The following SLC39A10 variants were observed in gnomAD, a reference collection of about 807,000 sequenced individuals.
SLC39A10 encodes the protein solute carrier family 39 member 10.
SLC39A10 carries 13 observed loss-of-function variants against 65.1 expected under a neutral mutation model. The ratio of observed to expected loss-of-function variants is 0.20; its 90% CI spans 0.13 to 0.32. The LOEUF (loss-of-function observed/expected upper bound fraction) is 0.32. SLC39A10 is among the 10% of genes least tolerant of loss of function. SLC39A10 has a pLI of 1.00. For missense variants in SLC39A10, 831 were observed against 1,018.4 expected, an observed-to-expected ratio of 0.82 and a Z score of 2.50; for synonymous variants, 321 against 342.2, an observed-to-expected ratio of 0.94 and a Z score of 0.68.
At chr2:195,670,011 T>C (rs1689791258) in intron 1 of SLC39A10, among the ~76,000 whole-genome samples, 1 of 151,872 alleles carries the variant, frequency 6.6e-6, no homozygotes, top group Non-Finnish European at 1.5e-5. Flanking sequence ...ATGCAAAAAT[T>C]AGCTGGGTGT....
intron 1 of SLC39A10, among the ~76,000 whole-genome samples, chr2:195,673,401 G>T (rs191529853): frequency 6.6e-6 from 1 of 152,094 alleles, no homozygotes; most frequent in African/African-American, 2.4e-5. Context: ...CTCAAGATCC[G>T]CCAACCTCTG....
rs1692315683 is a variant in SLC39A10, at chr2:195,728,285, A to G, written c.2273A>G (p.Asn758Ser). The change falls in exon 9 of 10, where the codon AAC (asparagine) becomes AGC (serine). Residue 758 changes from asparagine (N) to serine (S), a missense_variant. Coordinates refer to ENST00000359634, the MANE Select transcript of SLC39A10 (RefSeq NM_020342.3). The surrounding 1 kb of genome is among the most constrained non-coding windows in gnomAD (Gnocchi z 4.4). ...ACAGCTGTTGGTCAGTATGCCAATA[A>G]CATCACACTTTGGATCTTTGCAGTC... ...IGTAVGQYAN[N>S]ITLWIFAVTA... is the part of the protein sequence containing the mutation. The G allele has an allele frequency of 6.2e-7, 1 of 1,613,958 alleles. No homozygotes were observed. The highest frequency in any genetic ancestry group is 8.5e-7 in the Non-Finnish European group (1 of 1,179,936).
At chr2:195,653,676 A>C (rs149087409), upstream of SLC39A10, among the ~76,000 whole-genome samples, 138 of 152,356 alleles carry the variant, frequency 9.1e-4, 4 homozygotes, top group East Asian at 0.02. Flanking sequence ...CTAGTGTTTC[A>C]GGTTAACTTT....
At chr2:195,694,497 C>T (rs1408620856) in intron 3 of SLC39A10, among the ~76,000 whole-genome samples, 1 of 152,134 alleles carries the variant, frequency 6.6e-6, no homozygotes, top group Admixed American at 6.5e-5. Context: ...GAGACCTGAG[C>T]TACAGGATTG....
chr2:195,662,474 C>G (rs1689445843), intron 1 of SLC39A10, among the ~76,000 whole-genome samples: 2 of 75,714 alleles, frequency 2.6e-5, no homozygotes, highest in South Asian at 1.1e-3. Flanking sequence ...AAGAGTTTCA[C>G]CATGTTGCCC....
In SLC39A10 at chr2:195,686,827, G is replaced by C. The variant is rs564680451; in HGVS notation, c.1216+2921G>C. 1.7e-3 allele frequency among the ~76,000 whole-genome samples: 265 copies of C among 152,250 alleles called. 2 individuals carry two copies. The highest frequency in any genetic ancestry group is 3.1e-3 in the Non-Finnish European group (210 of 68,024). On this transcript the variant is annotated intron_variant, in intron 3 of 9. Transcript: ENST00000359634. The stretch of plus-strand genomic sequence containing the variant: ...CTGTGCTGTAATTCTTATACTTCCT[G>C]TTCTACTGTTTCCTCCTGAAAAGGT...
At chr2:195,697,144 T>C (rs1690997430) in intron 3 of SLC39A10, among the ~76,000 whole-genome samples, 1 of 152,146 alleles carries the variant, frequency 6.6e-6, no homozygotes, top group African/African-American at 2.4e-5. Flanking sequence ...ATGTATTAAG[T>C]GGATCCTCGC....
chr2:195,674,407 A>T (rs904757763), intron 1 of SLC39A10: 2 of 160,340 alleles, frequency 1.2e-5, no homozygotes, highest in African/African-American at 4.8e-5. Context: ...CTTCCCGAGT[A>T]GCTGAGATTA....
At position 195,735,027 on chromosome 2, in the gene SLC39A10, G is replaced by A; in HGVS notation, c.2482G>A (p.Asp828Asn). The A allele has an allele frequency of 1.2e-6, 2 of 1,609,500 alleles. No homozygotes were observed. Among genetic ancestry groups the A allele is most frequent in the Non-Finnish European group, 8.5e-7 (1 of 1,178,684 alleles). Residue 828 changes from aspartate to asparagine, a missense_variant, in exon 10 of 10, where the codon GAC (aspartate) becomes AAC (asparagine). This residue lies in a region of SLC39A10 where 120 missense variants were observed against 203.9 expected (regional missense o/e 0.59). Transcript: ENST00000359634. Reference protein sequence around the residue: ...IALYEDKIVFDIQF With the variant: ...IALYEDKIVFNIQF ...CCTCTATGAAGATAAAATTGTGTTT[G>A]ACATCCAGTTTTGACCTTTCCCAGT...
intron 2 of SLC39A10, among the ~76,000 whole-genome samples, chr2:195,646,186 T>G (rs766589025): frequency 4.6e-5 from 7 of 152,212 alleles, no homozygotes; most frequent in Non-Finnish European, 8.8e-5. Flanking sequence ...CCTCAAGCGA[T>G]CCGCCCACCT....
At chr2:195,646,705 C>T (rs1398409158) in intron 2 of SLC39A10, among the ~76,000 whole-genome samples, 5 of 140,258 alleles carry the variant, frequency 3.6e-5, no homozygotes, top group Admixed American at 1.6e-4. Flanking sequence ...AGGAGGTGAG[C>T]GGAGGGTGAG....
At chr2:195,667,825 G>A (rs1689692229) in intron 1 of SLC39A10, among the ~76,000 whole-genome samples, 1 of 152,166 alleles carries the variant, frequency 6.6e-6, no homozygotes, top group South Asian at 2.1e-4. Flanking sequence ...TATACGAGAA[G>A]TAGGGACAGA....
At chr2:195,668,809 ACCCAGCACTTTGGGTCACAT>A (rs1689738712) in intron 1 of SLC39A10, among the ~76,000 whole-genome samples, 1 of 152,258 alleles carries the variant, frequency 6.6e-6, no homozygotes, top group Non-Finnish European at 1.5e-5. Flanking sequence ...TGTCGCTCGC[ACCCAGCACTTTGGGTCACAT>A]CCCAGCACTT....
intron 1 of SLC39A10, among the ~76,000 whole-genome samples, chr2:195,659,791 C>T (rs952211826): frequency 1.3e-5 from 2 of 152,090 alleles, no homozygotes; most frequent in East Asian, 3.9e-4. Flanking sequence ...TTGATTTTAC[C>T]TTTTTTCTAC....
At chr2:195,665,312 G>A (rs1689593867) in intron 1 of SLC39A10, among the ~76,000 whole-genome samples, 1 of 152,056 alleles carries the variant, frequency 6.6e-6, no homozygotes, top group Non-Finnish European at 1.5e-5. Context: ...GCGAGACTCT[G>A]TCAAAAAAAT....
At position 195,729,278 on chromosome 2, in the gene SLC39A10, G is replaced by A. The variant is rs113243629; in HGVS notation, c.2337+929G>A. ...ATTACAAGTGTGAGCTACCACACCC[G>A]GCCCAGCCTAAATTTTTAATCACAG... On this transcript the variant is annotated intron_variant, in intron 9 of 9. Transcript: ENST00000359634. Among the ~76,000 whole-genome samples the A allele has an allele frequency of 3.3e-5, 5 of 152,100 alleles. No homozygotes were observed. In the East Asian group the frequency reaches 5.8e-4, roughly 18 times the overall value.
upstream of SLC39A10, among the ~76,000 whole-genome samples, chr2:195,655,015 T>C (rs1446059973): frequency 6.6e-6 from 1 of 152,244 alleles, no homozygotes; most frequent in Non-Finnish European, 1.5e-5. Context: ...ACACAGTCTC[T>C]ATTTTCAAGT....
At chr2:195,629,549 C>T (rs1015744108) in intron 2 of SLC39A10, among the ~76,000 whole-genome samples, 1 of 152,126 alleles carries the variant, frequency 6.6e-6, no homozygotes, top group Admixed American at 6.5e-5. Context: ...GCATATTTTG[C>T]TTGGATTACT....
chr2:195,726,035 T>A (rs1322639131), intron 8 of SLC39A10, among the ~76,000 whole-genome samples: 1 of 152,204 alleles, frequency 6.6e-6, no homozygotes, highest in African/African-American at 2.4e-5. Context: ...TTGTCCAAAT[T>A]CATAGAAGTC....
Sources: gnomAD v4.1 joint callset for allele counts (sites outside exome capture counted in the v4.1 genomes callset) on GRCh38, gnomAD v4.1.1 for gene constraint, gnomAD v4.1.1 regional missense constraint, Gnocchi (gnomAD v3.1) non-coding constraint, MANE v1.5 for transcripts, NCBI Gene and HGNC (gene_info 2026-07-23, HGNC 2026-07-21) for gene names.